COL25A1: variants seen among roughly 807,000 people sequenced by gnomAD.
The protein encoded by COL25A1 is collagen alpha-1(XXV) chain.
In COL25A1, 103 loss-of-function variants were observed where a neutral mutation model predicts 128.4. The ratio of observed to expected loss-of-function variants is 0.80; its 90% CI spans 0.68 to 0.94. The LOEUF is 0.94. Ranked by LOEUF, COL25A1 falls within the 40% of genes least tolerant of loss-of-function variation. The pLI is 0.00. For synonymous variants in COL25A1, 279 were observed against 277.2 expected, an observed-to-expected ratio of 1.01 and a Z score of -0.06; for missense variants, 745 against 840.0, an observed-to-expected ratio of 0.89 and a Z score of 1.40.
At chr4:109,233,992 G>T (rs76972801) in intron 3 of COL25A1, among the ~76,000 whole-genome samples, 3 of 152,088 alleles carry the variant, frequency 2.0e-5, no homozygotes, top group Non-Finnish European at 4.4e-5. Flanking sequence ...CAAATATTCT[G>T]CTTTCCTACC....
At chr4:109,070,446 G>T in intron 3 of COL25A1, among the ~76,000 whole-genome samples, 1 of 151,134 alleles carries the variant, frequency 6.6e-6, no homozygotes, top group African/African-American at 2.4e-5. Flanking sequence ...ATCATATTTG[G>T]TTAAGTAGAT....
intron 19 of COL25A1, among the ~76,000 whole-genome samples, chr4:108,876,475 C>T (rs1458305975): frequency 6.6e-6 from 1 of 151,836 alleles, no homozygotes; most frequent in Non-Finnish European, 1.5e-5. Flanking sequence ...TTTTATGTGT[C>T]CTGGAAATCT....
At chr4:109,030,355 A>T (rs1421614062) in intron 5 of COL25A1, among the ~76,000 whole-genome samples, 1 of 152,104 alleles carries the variant, frequency 6.6e-6, no homozygotes, top group Non-Finnish European at 1.5e-5. Context: ...ACCATTGGGC[A>T]CACTTTGGCT....
chr4:109,035,077 G>C (rs1290550654), intron 5 of COL25A1, among the ~76,000 whole-genome samples: 1 of 152,142 alleles, frequency 6.6e-6, no homozygotes, highest in African/African-American at 2.4e-5. Context: ...ACCCAGCATA[G>C]GGTGAGACAA....
intron 5 of COL25A1, among the ~76,000 whole-genome samples, chr4:109,012,432 A>G (rs753494220): frequency 1.3e-4 from 20 of 152,176 alleles, no homozygotes; most frequent in Non-Finnish European, 2.4e-4. Context: ...TGGGCTGGCC[A>G]AGGCCGGAGC....
At chr4:109,107,146 C>A (rs1766515612) in intron 3 of COL25A1, among the ~76,000 whole-genome samples, 1 of 152,048 alleles carries the variant, frequency 6.6e-6, no homozygotes, top group South Asian at 2.1e-4. Flanking sequence ...AATTCAGTAT[C>A]CACCATAAGT....
At chr4:109,261,659 T>A (rs919745583) in intron 3 of COL25A1, among the ~76,000 whole-genome samples, 5 of 152,018 alleles carry the variant, frequency 3.3e-5, no homozygotes, top group Non-Finnish European at 7.4e-5. Context: ...CGGGTAATAA[T>A]AGTATAGGCA....
At chr4:109,218,836 A>G (rs773544415) in intron 3 of COL25A1, among the ~76,000 whole-genome samples, 3 of 152,268 alleles carry the variant, frequency 2.0e-5, no homozygotes, top group Admixed American at 6.5e-5. Context: ...AATCTAAAAT[A>G]GATTTGCATT....
chr4:109,297,106 T>G (rs149606254), intron 3 of COL25A1, among the ~76,000 whole-genome samples: 32 of 152,202 alleles, frequency 2.1e-4, no homozygotes, highest in African/African-American at 6.5e-4. Context: ...GTATGGAAAT[T>G]TTAAGATTAT....
At chr4:109,011,508 G>C (rs944122807) in intron 5 of COL25A1, among the ~76,000 whole-genome samples, 1 of 152,220 alleles carries the variant, frequency 6.6e-6, no homozygotes, top group Admixed American at 6.5e-5. Flanking sequence ...GTGGTGGAGA[G>C]AGAGAGAAAG....
At position 109,050,095 on chromosome 4, in the gene COL25A1, A is replaced by G. The variant is rs774091447; in HGVS notation, c.412+40T>C. 3.8e-6 allele frequency: 6 copies of G among 1,562,410 alleles called. No individual in the cohort carries two copies. In the African/African-American group the frequency reaches 8.2e-5, roughly 21 times the overall value. On this transcript the variant is annotated intron_variant, in intron 4 of 37. Transcript: ENST00000399132. ...GAAGAACAGATGCCGGAACTTAACC[A>G]GAACATGAGTGACACAGAGCAGCTG...
In COL25A1 at chr4:109,061,449, C is replaced by T. The variant is rs1052676723; in HGVS notation, c.368-11270G>A. On this transcript the variant is annotated intron_variant, in intron 3 of 37. Coordinates refer to ENST00000399132, the MANE Select transcript of COL25A1 (RefSeq NM_198721.4). ...ATAGGAATAGATTTCATACTTCAAA[C>T]TATAGTTTAAGGAGGAGCTGCTATT... Among the ~76,000 whole-genome samples, 4 of 152,154 alleles carry T rather than the reference C, an allele frequency of 2.6e-5. No individual in the cohort carries two copies. In the East Asian group the frequency reaches 7.7e-4, roughly 29 times the overall value.
At chr4:108,977,699 T>C (rs1312565548) in intron 6 of COL25A1, among the ~76,000 whole-genome samples, 3 of 152,208 alleles carry the variant, frequency 2.0e-5, no homozygotes, top group African/African-American at 7.2e-5. Flanking sequence ...GGGGAACATA[T>C]ATGTTTGGGA....
Position 109,302,190 on chromosome 4 carries a change from G to C in COL25A1, c.-78C>G, listed in dbSNP as rs1436150014. On this transcript the variant is annotated 5_prime_UTR_variant, in exon 1 of 38. Transcript: ENST00000399132. The stretch of plus-strand genomic sequence containing the variant: ...GGACCCCTGCCTTGCTCAGCGTCCA[G>C]ACCCGCAGGCGTGCACCATCCCCGC... The C allele has an allele frequency of 6.1e-6, 5 of 818,996 alleles. No homozygotes were observed. Among genetic ancestry groups the C allele is most frequent in the Non-Finnish European group, 9.2e-6 (5 of 543,504 alleles). 50.7% of individuals were successfully genotyped at this position (818,996 alleles called of 1,614,324 possible).
At chr4:109,061,091 CCTAT>C (rs752597495) in intron 3 of COL25A1, among the ~76,000 whole-genome samples, 11 of 152,172 alleles carry the variant, frequency 7.2e-5, no homozygotes, top group Non-Finnish European at 1.6e-4. Flanking sequence ...AAGGTTTTCT[CCTAT>C]CTAACAAATC....
intron 11 of COL25A1, among the ~76,000 whole-genome samples, chr4:108,934,939 T>G (rs1170696399): frequency 6.6e-6 from 1 of 152,206 alleles, no homozygotes; most frequent in Non-Finnish European, 1.5e-5. Flanking sequence ...TGTTTTAAAG[T>G]GCTTTCCCCT....
intron 11 of COL25A1, among the ~76,000 whole-genome samples, chr4:108,922,383 T>C (rs1280440702): frequency 6.6e-6 from 1 of 152,154 alleles, no homozygotes; most frequent in Non-Finnish European, 1.5e-5. Context: ...AAGGGGTACA[T>C]TGATTCAGTA....
In COL25A1 at chr4:108,895,027, C is replaced by T. The variant is rs141583979; in HGVS notation, c.906+1640G>A. 8.4e-4 allele frequency among the ~76,000 whole-genome samples: 127 copies of T among 152,066 alleles called. 2 individuals carry two copies. In the East Asian group the frequency reaches 0.019, roughly 22 times the overall value. ...AATGATGCTAAACATCTGAGGGCCC[C>T]GTAACAGAGAATTATCTGGCCCCAA... is the stretch of plus-strand genomic sequence containing the variant. On this transcript the variant is annotated intron_variant, in intron 16 of 37. Coordinates refer to ENST00000399132, the MANE Select transcript of COL25A1 (RefSeq NM_198721.4).
At chr4:108,984,241 G>A (rs938302772) in intron 6 of COL25A1, among the ~76,000 whole-genome samples, 1 of 152,220 alleles carries the variant, frequency 6.6e-6, no homozygotes, top group South Asian at 2.1e-4. Flanking sequence ...GGTAGATACA[G>A]AGTGCCAATT....
Sources: gnomAD v4.1 joint callset for allele counts (sites outside exome capture counted in the v4.1 genomes callset) on GRCh38, gnomAD v4.1.1 for gene constraint, MANE v1.5 for transcripts, NCBI Gene and HGNC (gene_info 2026-07-23, HGNC 2026-07-21) for gene names.